Variants in RBM34 observed in about 807,000 individuals in gnomAD.
RBM34 encodes the protein RNA-binding protein 34.
A neutral mutation model predicts 44.6 loss-of-function variants in RBM34; 39 were observed. The ratio of observed to expected loss-of-function variants is 0.87; its 90% confidence interval spans 0.68 to 1.14. RBM34 has a LOEUF of 1.14. Ranked by LOEUF, RBM34 falls within the 50% of genes most tolerant of loss-of-function variation. The probability of loss-of-function intolerance (pLI) is 0.00; values close to 1 mark genes in which losing one functional copy is unlikely to be tolerated. For missense variants in RBM34, 572 were observed against 517.9 expected (o/e 1.10, Z -1.01); for synonymous variants, 194 against 184.0 (o/e 1.05, Z -0.44).
At chr1:235,155,848 T>TATATATAC (rs1662405369) in intron 3 of RBM34, among the ~76,000 whole-genome samples, 1 of 28,942 alleles carries the variant, frequency 3.5e-5, no homozygotes, top group Non-Finnish European at 6.3e-5. Flanking sequence ...TATATATATA[T>TATATATAC]ATATATATAT....
At chr1:235,154,810 T>C (rs548638433) in intron 4 of RBM34, 71 bp downstream of exon 4, 223 of 1,190,990 alleles carry the variant, frequency 1.9e-4, no homozygotes, top group South Asian at 4.3e-4. Flanking sequence ...TGACTTACTA[T>C]TGAATGCTTA....
chr1:235,148,451 TC>T lies in RBM34; in HGVS notation c.658-5del. The T allele has an allele frequency of 6.3e-7, 1 of 1,582,130 alleles. No homozygotes were observed. Among genetic ancestry groups the T allele is most frequent in the Non-Finnish European group, 8.6e-7 (1 of 1,167,258 alleles). On this transcript the variant is annotated splice_region_variant and splice_polypyrimidine_tract_variant and intron_variant, in intron 5 of 10. Coordinates refer to ENST00000408888, the MANE Select transcript of RBM34 (RefSeq NM_015014.4). ...ATAGCGTTCCCTCTGCTGGAATCTT[TC>T]AAGAGAAAAAAAAAAGTATTAAAGA...
chr1:235,134,324 T>C (rs911382666), intron 10 of RBM34, among the ~76,000 whole-genome samples: 2 of 152,002 alleles, frequency 1.3e-5, no homozygotes, highest in Non-Finnish European at 2.9e-5. Flanking sequence ...GCACCCAGCC[T>C]TACTTGTATA....
At position 235,161,114 on chromosome 1, in the gene RBM34, C is replaced by T. The variant is rs766843397; in HGVS notation, c.54-47G>A. On this transcript the variant is annotated intron_variant, in intron 1 of 10. Coordinates refer to ENST00000408888, the MANE Select transcript of RBM34 (RefSeq NM_015014.4). ...TCAGCCACGCCACGCACCACCGCTT[C>T]GCCAGCACGAGGGAACGTACAACAT... 1.9e-6 allele frequency: 3 copies of T among 1,605,568 alleles called. No individual in the cohort carries two copies. The Admixed American group carries it at 5.0e-5, about 27-fold the overall frequency.
intron 4 of RBM34, among the ~76,000 whole-genome samples, chr1:235,154,182 C>T (rs1405115196): frequency 6.7e-6 from 1 of 148,758 alleles, no homozygotes; most frequent in Non-Finnish European, 1.5e-5. Context: ...GGAGGCGGAG[C>T]TTGCAGTGAA....
At chr1:235,145,677 T>C (rs1661871992) in intron 6 of RBM34, among the ~76,000 whole-genome samples, 1 of 152,236 alleles carries the variant, frequency 6.6e-6, no homozygotes, top group Non-Finnish European at 1.5e-5. Flanking sequence ...AAATTGTGAA[T>C]GCAAATACCC....
intron 6 of RBM34, among the ~76,000 whole-genome samples, chr1:235,139,813 T>A (rs1661597784): frequency 6.6e-6 from 1 of 152,226 alleles, no homozygotes; most frequent in Non-Finnish European, 1.5e-5. Flanking sequence ...GAGGAAGCAC[T>A]GGCTCTTCTG....
intron 4 of RBM34, among the ~76,000 whole-genome samples, chr1:235,153,740 C>T (rs1351302325): frequency 6.6e-6 from 1 of 152,140 alleles, no homozygotes; most frequent in Non-Finnish European, 1.5e-5. Flanking sequence ...AAAGGTTTTT[C>T]TACTGTTTTT....
intron 7 of RBM34, 53 bp from the exon 8 acceptor site, chr1:235,137,993 C>T (rs929310147): frequency 1.3e-6 from 2 of 1,541,032 alleles, no homozygotes; most frequent in East Asian, 4.5e-5. Context: ...CACTCGATTA[C>T]TAAAACATCT....
chr1:235,152,563 G>A, intron 5 of RBM34, 143 bp downstream of exon 5: 1 of 1,411,500 alleles, frequency 7.1e-7, no homozygotes, highest in African/African-American at 1.5e-5. Flanking sequence ...GATAGTAAGA[G>A]CAACTCTTTT....
chr1:235,155,816 C>CATATACAT (rs1553275287), intron 3 of RBM34, among the ~76,000 whole-genome samples: 8 of 72,722 alleles, frequency 1.1e-4, no homozygotes, highest in Admixed American at 1.4e-4. Context: ...TTTATACATA[C>CATATACAT]ATATACATAT....
At chr1:235,146,110 C>T (rs2102844288) in intron 6 of RBM34, among the ~76,000 whole-genome samples, 1 of 151,662 alleles carries the variant, frequency 6.6e-6, no homozygotes, top group African/African-American at 2.4e-5. Flanking sequence ...CTACAGTGCA[C>T]AGCATCATGC....
chr1:235,143,220 G>A (rs944856268), intron 6 of RBM34, among the ~76,000 whole-genome samples: 2 of 152,196 alleles, frequency 1.3e-5, no homozygotes, highest in African/African-American at 4.8e-5. Context: ...AAGTGCTGGT[G>A]AGGATGTGAA....
intron 6 of RBM34, among the ~76,000 whole-genome samples, chr1:235,142,089 C>T (rs1003553989): frequency 1.3e-5 from 2 of 152,112 alleles, no homozygotes; most frequent in African/African-American, 4.8e-5. Flanking sequence ...AGTCCAGCTA[C>T]CGGGGGAGAG....
At chr1:235,160,480 C>A (rs745587798) in intron 3 of RBM34, 31 bp downstream of exon 3, 2 of 1,589,842 alleles carry the variant, frequency 1.3e-6, no homozygotes, top group South Asian at 1.1e-5. Context: ...CATCTAATTT[C>A]TTTAACATCA....
intron 3 of RBM34, 116 bp from the exon 4 acceptor site, chr1:235,155,228 T>C (rs1413320446): frequency 1.2e-6 from 1 of 857,990 alleles, no homozygotes; most frequent in East Asian, 2.6e-5. Flanking sequence ...CTTCTGAATT[T>C]TCCTAGATTT....
chr1:235,145,136 C>T (rs913905035), intron 6 of RBM34, among the ~76,000 whole-genome samples: 4 of 152,100 alleles, frequency 2.6e-5, no homozygotes, highest in Non-Finnish European at 4.4e-5. Context: ...TCATGAACAT[C>T]CCACAGATCA....
chr1:235,155,144 A>G (rs1662343104), intron 3 of RBM34, 32 bp from the exon 4 acceptor site: 1 of 1,565,558 alleles, frequency 6.4e-7, no homozygotes, highest in African/African-American at 1.4e-5. Flanking sequence ...ATAAGCAGTA[A>G]GAGTCATGCC....
intron 3 of RBM34, among the ~76,000 whole-genome samples, chr1:235,157,890 C>T (rs895347207): frequency 9.9e-5 from 15 of 151,956 alleles, no homozygotes; most frequent in African/African-American, 3.1e-4. Context: ...ACAGTCAGGA[C>T]GGAGAATAAA....
Sources: gnomAD v4.1 joint callset for allele counts (sites outside exome capture counted in the v4.1 genomes callset) on GRCh38, gnomAD v4.1.1 for gene constraint, MANE v1.5 for transcripts, NCBI Gene and HGNC (gene_info 2026-07-23, HGNC 2026-07-21) for gene names.